Variants in TAF4 observed in about 807,000 individuals in gnomAD.
The protein encoded by TAF4 is TATA-box binding protein associated factor 4.
TAF4 carries 9 observed loss-of-function variants against 90.3 expected under a neutral mutation model. The observed-to-expected ratio is 0.10, with a 90% CI of 0.06 to 0.17. The LOEUF (loss-of-function observed/expected upper bound fraction) is 0.17, where lower values mean the gene tolerates loss of function less well. TAF4 is among the 10% of genes least tolerant of loss of function. The pLI is 1.00. For missense variants in TAF4, 1,351 were observed against 1,370.7 expected (o/e 0.99, Z 0.23); for synonymous variants, 818 against 638.9 (o/e 1.28, Z -4.23).
intron 1 of TAF4, among the ~76,000 whole-genome samples, chr20:62,022,262 C>T (rs1282270130): frequency 6.6e-6 from 1 of 152,144 alleles, no homozygotes; most frequent in Non-Finnish European, 1.5e-5. Context: ...ACTCTTCACC[C>T]AAGCATGGAG....
chr20:62,013,975 C>T (rs1357180110), intron 2 of TAF4, among the ~76,000 whole-genome samples: 5 of 146,504 alleles, frequency 3.4e-5, no homozygotes, highest in African/African-American at 1.3e-4. Context: ...TACCACAGCT[C>T]AGGAGTCGGG....
intron 1 of TAF4, among the ~76,000 whole-genome samples, chr20:62,035,937 A>G (rs921458804): frequency 1.3e-5 from 2 of 152,160 alleles, no homozygotes; most frequent in Non-Finnish European, 1.5e-5. Context: ...CAATAAACAT[A>G]GAAAATTAAT....
intron 1 of TAF4, among the ~76,000 whole-genome samples, chr20:62,030,410 C>T (rs941641736): frequency 6.6e-6 from 1 of 152,220 alleles, no homozygotes; most frequent in African/African-American, 2.4e-5. Flanking sequence ...TAGACAGACA[C>T]ATAATTTAAA....
chr20:62,032,115 G>T (rs1290238893), intron 1 of TAF4, among the ~76,000 whole-genome samples: 1 of 152,182 alleles, frequency 6.6e-6, no homozygotes, highest in Non-Finnish European at 1.5e-5. Context: ...CACATATTTG[G>T]ATACGTTTGA....
At chr20:61,980,016 A>AGG (rs1443643392) in intron 14 of TAF4, 1 of 152,602 alleles carries the variant, frequency 6.6e-6, no homozygotes, top group Non-Finnish European at 1.5e-5. Flanking sequence ...CTCCAAACAC[A>AGG]GGGGCTTGGG....
chr20:62,005,843 T>C (rs2055741447), intron 7 of TAF4: 1 of 152,240 alleles, frequency 6.6e-6, no homozygotes, highest in Non-Finnish European at 1.5e-5. Flanking sequence ...CATTTTGTTG[T>C]TTAAGCTGTC....
chr20:61,995,552 A>G (rs1227078773), intron 14 of TAF4, among the ~76,000 whole-genome samples: 1 of 152,146 alleles, frequency 6.6e-6, no homozygotes, highest in Non-Finnish European at 1.5e-5. Flanking sequence ...CAGCAGAAGA[A>G]AGTAAGATTG....
intron 14 of TAF4, among the ~76,000 whole-genome samples, chr20:61,981,756 C>CCCA (rs2055542399): frequency 6.6e-6 from 1 of 151,072 alleles, no homozygotes; most frequent in African/African-American, 2.4e-5. Flanking sequence ...CAAACCACAC[C>CCCA]CCACCCGAGA....
At chr20:61,994,220 T>C (rs1350560476) in intron 14 of TAF4, among the ~76,000 whole-genome samples, 1 of 152,268 alleles carries the variant, frequency 6.6e-6, no homozygotes, top group African/African-American at 2.4e-5. Flanking sequence ...CAGTTCTTTC[T>C]TGGTATACAA....
At chr20:62,034,610 A>C (rs2055922060) in intron 1 of TAF4, among the ~76,000 whole-genome samples, 1 of 152,014 alleles carries the variant, frequency 6.6e-6, no homozygotes, top group Non-Finnish European at 1.5e-5. Flanking sequence ...GATGACAGGC[A>C]TGAGCCATCA....
chr20:61,999,979 T>C lies in TAF4; in HGVS notation c.2787+145A>G, dbSNP rs189159812. ...GAAATCTTTCCAAAATCTAGTCCTA[T>C]AAGAAATCCAAAACACGTTCGTAAG... On this transcript the variant is annotated intron_variant, in intron 11 of 14. Transcript: ENST00000252996. 26 of 989,516 alleles carry C rather than the reference T, an allele frequency of 2.6e-5. 1 individual carries two copies. In the Admixed American group the frequency reaches 3.9e-4, roughly 15 times the overall value. The allele number at this position is 989,516 out of a possible 1,614,324, so 61.3% of individuals were successfully genotyped here. A position where few individuals can be genotyped will look rare whatever the true frequency, so the allele number is the denominator to read the frequency against.
At chr20:61,988,732 CCAAA>C (rs1311587569) in intron 14 of TAF4, among the ~76,000 whole-genome samples, 1 of 152,122 alleles carries the variant, frequency 6.6e-6, no homozygotes, top group Non-Finnish European at 1.5e-5. Context: ...CAACTGCTCC[CCAAA>C]CAGACGCCGG....
Position 61,982,676 on chromosome 20 carries a change from CCACCT to C in TAF4, c.3091-6346_3091-6342del, listed in dbSNP as rs1393769413. Among the ~76,000 whole-genome samples the C allele has an allele frequency of 2.3e-3, 287 of 127,452 alleles. 34 individuals carry two copies. The highest frequency in any genetic ancestry group is 4.3e-3 in the African/African-American group (146 of 33,708). The allele number at this position is 127,452 out of a possible 152,430, so 83.6% of individuals were successfully genotyped here. A position where few individuals can be genotyped will look rare whatever the true frequency, so the allele number is the denominator to read the frequency against. ...CGAGAGGAGACACCAAACCCACACC[CCACCT>C]GAGAGGAGACACCAAACCCACACCC... On this transcript the variant is annotated intron_variant, in intron 14 of 14. Transcript: ENST00000252996.
intron 9 of TAF4, 126 bp downstream of exon 9, chr20:62,003,034 A>G: frequency 1.5e-6 from 1 of 663,708 alleles, no homozygotes; most frequent in Non-Finnish European, 2.6e-6. Context: ...GTGAAGCAGG[A>G]GCCTTGGAGC....
chr20:62,059,518 C>T (rs1383851773), intron 1 of TAF4, among the ~76,000 whole-genome samples: 1 of 152,208 alleles, frequency 6.6e-6, no homozygotes, highest in Non-Finnish European at 1.5e-5. Context: ...CACCACAATG[C>T]CATAGCAACC....
intron 14 of TAF4, among the ~76,000 whole-genome samples, chr20:61,984,431 C>T (rs1212215804): frequency 6.6e-6 from 1 of 152,246 alleles, no homozygotes; most frequent in Non-Finnish European, 1.5e-5. Context: ...AGCACGAAGA[C>T]ACACGTACAA....
intron 1 of TAF4, among the ~76,000 whole-genome samples, chr20:62,040,146 T>G (rs983182853): frequency 2.0e-5 from 3 of 152,246 alleles, no homozygotes; most frequent in African/African-American, 7.2e-5. Context: ...AAGAAAAACT[T>G]ATGTTCATAT....
At chr20:62,020,277 G>A (rs567888312) in intron 1 of TAF4, among the ~76,000 whole-genome samples, 7 of 152,322 alleles carry the variant, frequency 4.6e-5, no homozygotes, top group Middle Eastern at 3.4e-3. Flanking sequence ...GCCCTCTGCC[G>A]GTGGGGGGGC....
intron 11 of TAF4, 40 bp from the exon 12 acceptor site, chr20:61,999,148 G>C (rs1343599195): frequency 1.2e-6 from 2 of 1,607,890 alleles, no homozygotes; most frequent in East Asian, 2.2e-5. Context: ...ATAAATCTGA[G>C]AGCCCAGCAA....
Sources: allele counts gnomAD v4.1 joint callset (sites outside exome capture counted in the v4.1 genomes callset), GRCh38; gene constraint gnomAD v4.1.1; transcripts MANE v1.5; gene names NCBI Gene and HGNC (gene_info 2026-07-23, HGNC 2026-07-21).